Variants in MEI4 observed in about 807,000 individuals in gnomAD.
MEI4 encodes meiosis-specific protein MEI4.
MEI4 carries 27 observed loss-of-function variants against 31.4 expected under a neutral mutation model. That is an observed-to-expected ratio of 0.86 (90% confidence interval 0.63 to 1.19). MEI4 has a LOEUF of 1.19. Among genes scored for constraint, MEI4 ranks in the 50% most tolerant of loss-of-function variants. The pLI is 0.00. For missense variants in MEI4, 329 were observed against 398.9 expected (o/e 0.82, Z 1.49); for synonymous variants, 122 against 145.4 (o/e 0.84, Z 1.16).
rs539894052 is a variant in MEI4 at position 77,786,079 on chromosome 6, T to C, written c.768+24414T>C. Reference sequence around the variant, plus strand: ...CTTTCAGGTATCCACTATTCCTGTTTAAAAAAATTAAAATAAAAAAATTAT... The same window carrying C: ...CTTTCAGGTATCCACTATTCCTGTTCAAAAAAATTAAAATAAAAAAATTAT... On this transcript the variant is annotated intron_variant, in intron 3 of 4. Coordinates refer to ENST00000684080, the MANE Select transcript of MEI4 (RefSeq NM_001322247.2). Among the ~76,000 whole-genome samples the C allele has an allele frequency of 5.9e-5, 9 of 152,224 alleles. No homozygotes were observed. The South Asian group carries it at 1.2e-3, about 21-fold the overall frequency.
chr6:77,859,413 C>T (rs1354016538), intron 4 of MEI4, among the ~76,000 whole-genome samples: 1 of 152,108 alleles, frequency 6.6e-6, no homozygotes, highest in African/African-American at 2.4e-5. Context: ...AATGGTATTT[C>T]TGGTTCTAGA....
Position 77,834,521 on chromosome 6 carries a change from G to A in MEI4, c.900+5459G>A, listed in dbSNP as rs116631050. Reference sequence around the variant, plus strand: ...CTCCTTTTGTGGGGGCACTAGCTGCGGGGGGTCTGTTCCTGCAGACCCCTG... The same window carrying A: ...CTCCTTTTGTGGGGGCACTAGCTGCAGGGGGTCTGTTCCTGCAGACCCCTG... On this transcript the variant is annotated intron_variant, in intron 4 of 4. Coordinates refer to ENST00000684080, the MANE Select transcript of MEI4 (RefSeq NM_001322247.2). Among the ~76,000 whole-genome samples the A allele has an allele frequency of 6.0e-3, 906 of 150,938 alleles. 11 individuals are homozygous for A. Among genetic ancestry groups the A allele is most frequent in the African/African-American group, 0.021 (859 of 41,242 alleles).
intron 4 of MEI4, among the ~76,000 whole-genome samples, chr6:77,881,248 A>T (rs2127728628): frequency 6.6e-6 from 1 of 152,290 alleles, no homozygotes; most frequent in East Asian, 1.9e-4. Flanking sequence ...AAAACTTCCT[A>T]TTTAAATTAT....
chr6:77,733,602 A>G (rs1767082842), intron 2 of MEI4, among the ~76,000 whole-genome samples: 1 of 151,664 alleles, frequency 6.6e-6, no homozygotes, highest in African/African-American at 2.4e-5. Flanking sequence ...TAATTTTTTG[A>G]AGGGTTTTTT....
intron 3 of MEI4, among the ~76,000 whole-genome samples, chr6:77,818,099 AT>A (rs373637220): frequency 1.3e-5 from 2 of 151,958 alleles, no homozygotes; most frequent in Non-Finnish European, 2.9e-5. Context: ...TGTTTTCTGC[AT>A]TTTTTTGTTT....
intron 3 of MEI4, among the ~76,000 whole-genome samples, chr6:77,784,983 A>T (rs1393098930): frequency 6.6e-6 from 1 of 152,148 alleles, no homozygotes; most frequent in Non-Finnish European, 1.5e-5. Flanking sequence ...GCTTATTAGA[A>T]GTTTGCCGGT....
At chr6:77,910,612 G>GA (rs1766411429) in intron 4 of MEI4, among the ~76,000 whole-genome samples, 3 of 152,122 alleles carry the variant, frequency 2.0e-5, no homozygotes, top group African/African-American at 7.2e-5. Context: ...TCAATATTGT[G>GA]AAAATGGCCA....
intron 4 of MEI4, among the ~76,000 whole-genome samples, chr6:77,917,330 C>T (rs1425504094): frequency 2.0e-5 from 3 of 149,746 alleles, no homozygotes; most frequent in Non-Finnish European, 4.5e-5. Context: ...GTTCTAGATC[C>T]CTGAGGAATC....
intron 4 of MEI4, among the ~76,000 whole-genome samples, chr6:77,876,057 C>A (rs73763517): frequency 6.6e-6 from 1 of 152,258 alleles, no homozygotes; most frequent in African/African-American, 2.4e-5. Context: ...TGTTTCAGAG[C>A]CATAGACACT....
intron 4 of MEI4, among the ~76,000 whole-genome samples, chr6:77,892,675 A>G (rs1260021607): frequency 6.6e-6 from 1 of 152,106 alleles, no homozygotes; most frequent in Non-Finnish European, 1.5e-5. Flanking sequence ...AGGACACTGC[A>G]TGGGTGAGAA....
intron 4 of MEI4, among the ~76,000 whole-genome samples, chr6:77,906,876 A>C (rs1032921015): frequency 6.6e-6 from 1 of 152,136 alleles, no homozygotes; most frequent in Non-Finnish European, 1.5e-5. Context: ...GTAGCTCTCT[A>C]TGGCTGCTAT....
chr6:77,708,270 T>A (rs1404156112), intron 2 of MEI4, among the ~76,000 whole-genome samples: 2 of 152,228 alleles, frequency 1.3e-5, no homozygotes, highest in African/African-American at 4.8e-5. Context: ...AATCAAGGAT[T>A]TTTTTGAAAC....
chr6:77,711,617 C>T (rs1397033351), intron 2 of MEI4, among the ~76,000 whole-genome samples: 1 of 152,148 alleles, frequency 6.6e-6, no homozygotes, highest in Non-Finnish European at 1.5e-5. Context: ...TTGGGAAGTG[C>T]TGCTGGCACA....
At chr6:77,821,434 A>G (rs550397820) in intron 3 of MEI4, among the ~76,000 whole-genome samples, 2 of 152,292 alleles carry the variant, frequency 1.3e-5, no homozygotes, top group South Asian at 4.1e-4. Context: ...ATCTCTCAGC[A>G]TGCGGTTTCC....
At chr6:77,840,114 T>G (rs1456714018) in intron 4 of MEI4, among the ~76,000 whole-genome samples, 1 of 152,188 alleles carries the variant, frequency 6.6e-6, no homozygotes, top group African/African-American at 2.4e-5. Flanking sequence ...TTTTGTGTGT[T>G]TGTACCTGTG....
chr6:77,821,839 GTAT>G (rs1243013060), intron 3 of MEI4, among the ~76,000 whole-genome samples: 1 of 147,830 alleles, frequency 6.8e-6, no homozygotes, highest in Non-Finnish European at 1.5e-5. Context: ...CTGCTTACTG[GTAT>G]TATTATTATT....
intron 2 of MEI4, among the ~76,000 whole-genome samples, chr6:77,702,246 T>A (rs897804918): frequency 6.6e-6 from 1 of 152,184 alleles, no homozygotes; most frequent in African/African-American, 2.4e-5. Flanking sequence ...TGAGGAAACA[T>A]TGCAAATAAC....
intron 4 of MEI4, among the ~76,000 whole-genome samples, chr6:77,898,293 A>G (rs1766125164): frequency 6.6e-6 from 1 of 152,004 alleles, no homozygotes; most frequent in African/African-American, 2.4e-5. Context: ...AAAAAAGGAT[A>G]ATTTATTAAA....
intron 1 of MEI4, among the ~76,000 whole-genome samples, chr6:77,657,793 C>G (rs552166003): frequency 6.6e-6 from 1 of 152,332 alleles, no homozygotes; most frequent in Non-Finnish European, 1.5e-5. Flanking sequence ...TATATGCTCT[C>G]TGCTCTGTTC....
Sources: gnomAD v4.1 joint callset for allele counts (sites outside exome capture counted in the v4.1 genomes callset) on GRCh38, gnomAD v4.1.1 for gene constraint, MANE v1.5 for transcripts, NCBI Gene and HGNC (gene_info 2026-07-23, HGNC 2026-07-21) for gene names.